Variants in CRPPA observed in about 807,000 individuals in gnomAD.
CRPPA encodes D-ribitol-5-phosphate cytidylyltransferase.
CRPPA carries 43 observed loss-of-function variants against 52.0 expected under a neutral mutation model. That is an observed-to-expected ratio of 0.83 (90% CI 0.65 to 1.07). The LOEUF (loss-of-function observed/expected upper bound fraction) is 1.07, where lower values mean the gene tolerates loss of function less well. CRPPA is among the 50% of genes least tolerant of loss of function. The pLI is 0.00. For missense variants in CRPPA, 629 were observed against 551.7 expected, an observed-to-expected ratio of 1.14 and a Z score of -1.40; for synonymous variants, 250 against 203.5, an observed-to-expected ratio of 1.23 and a Z score of -1.94.
intron 3 of CRPPA, among the ~76,000 whole-genome samples, chr7:16,312,989 C>A (rs1341285756): frequency 1.3e-5 from 2 of 151,836 alleles, no homozygotes; most frequent in African/African-American, 4.8e-5. Context: ...TTGATAAGGA[C>A]CATGACATCT....
chr7:16,130,170 T>G (rs955708714), intron 9 of CRPPA, among the ~76,000 whole-genome samples: 3 of 152,184 alleles, frequency 2.0e-5, no homozygotes, highest in East Asian at 1.9e-4. Context: ...TTTATAATTT[T>G]TTGTTAATGG....
intron 2 of CRPPA, among the ~76,000 whole-genome samples, chr7:16,376,863 C>T (rs1786901686): frequency 6.6e-6 from 1 of 152,198 alleles, no homozygotes; most frequent in Admixed American, 6.5e-5. Context: ...TTAGAAGAGA[C>T]ATTTCATGTC....
At chr7:16,121,390 C>T (rs886391307) in intron 9 of CRPPA, among the ~76,000 whole-genome samples, 6 of 151,858 alleles carry the variant, frequency 4.0e-5, no homozygotes, top group African/African-American at 1.5e-4. Flanking sequence ...TCAGGAATAA[C>T]CCCTCCACCT....
chr7:16,168,694 A>G (rs1781117389), intron 9 of CRPPA, among the ~76,000 whole-genome samples: 2 of 152,120 alleles, frequency 1.3e-5, no homozygotes, highest in South Asian at 4.1e-4. Context: ...GTATCTATCT[A>G]GAATTCTAAA....
intron 8 of CRPPA, among the ~76,000 whole-genome samples, chr7:16,234,744 A>T (rs1248833533): frequency 1.3e-5 from 2 of 152,096 alleles, no homozygotes; most frequent in Non-Finnish European, 2.9e-5. Context: ...TCAAATGAAC[A>T]AATGTTTCTG....
intron 4 of CRPPA, among the ~76,000 whole-genome samples, chr7:16,305,235 G>A (rs1357184361): frequency 6.6e-6 from 1 of 151,926 alleles, no homozygotes; most frequent in Non-Finnish European, 1.5e-5. Context: ...GAGAAAATAG[G>A]GACCCTGAAA....
Position 16,398,163 on chromosome 7 carries a change from A to AT in CRPPA, c.534+7897dup, listed in dbSNP as rs1313879210. Among the ~76,000 whole-genome samples the AT allele has an allele frequency of 2.0e-5, 3 of 152,172 alleles. No individual in the cohort carries two copies. In the East Asian group the frequency reaches 5.8e-4, roughly 30 times the overall value. ...TGACACATGACATGTGAATGACACAATTGACACATGATCGGCCTGTTGCCA... is the reference window on the plus strand; with the variant it reads ...TGACACATGACATGTGAATGACACAATTTGACACATGATCGGCCTGTTGCCA... On this transcript the variant is annotated intron_variant, in intron 2 of 9. Coordinates refer to ENST00000407010, the MANE Select transcript of CRPPA (RefSeq NM_001101426.4).
At chr7:16,279,410 C>A (rs1275854193) in intron 5 of CRPPA, among the ~76,000 whole-genome samples, 2 of 152,226 alleles carry the variant, frequency 1.3e-5, no homozygotes, top group Non-Finnish European at 1.5e-5. Flanking sequence ...AGATCAGTAT[C>A]ATTCTGAATC....
At chr7:16,330,440 G>C (rs1785523193) in intron 3 of CRPPA, among the ~76,000 whole-genome samples, 2 of 152,194 alleles carry the variant, frequency 1.3e-5, no homozygotes, top group Admixed American at 1.3e-4. Context: ...GAGGTCATAG[G>C]TCAAGCTGCT....
intron 5 of CRPPA, 96 bp downstream of exon 5, chr7:16,301,325 C>A: frequency 4.1e-6 from 4 of 985,754 alleles, no homozygotes; most frequent in Non-Finnish European, 6.3e-6. Context: ...GGCTTTTCTG[C>A]TTTTGAGATT....
chr7:16,260,776 C>T (rs1783773671), intron 6 of CRPPA, among the ~76,000 whole-genome samples: 1 of 151,614 alleles, frequency 6.6e-6, no homozygotes, highest in African/African-American at 2.4e-5. Context: ...AGAATGAAAA[C>T]ATGAGAGATA....
At chr7:16,303,782 A>T (rs1296450488) in intron 4 of CRPPA, among the ~76,000 whole-genome samples, 1 of 152,236 alleles carries the variant, frequency 6.6e-6, no homozygotes, top group Non-Finnish European at 1.5e-5. Flanking sequence ...ACAAAAACCA[A>T]ATAGAGACTA....
intron 9 of CRPPA, among the ~76,000 whole-genome samples, chr7:16,100,250 T>C (rs189254154): frequency 6.6e-6 from 1 of 152,352 alleles, no homozygotes; most frequent in East Asian, 1.9e-4. Context: ...GACTCAGCTG[T>C]AATGACTACC....
chr7:16,270,108 CTGAGTTAAAGGCTAAGACT>C (rs1784057520), intron 6 of CRPPA: 1 of 152,044 alleles, frequency 6.6e-6, no homozygotes, highest in Non-Finnish European at 1.5e-5. Context: ...AAAAAATTTC[CTGAGTTAAAGGCTAAGACT>C]TGACTTTATG....
intron 3 of CRPPA, among the ~76,000 whole-genome samples, chr7:16,342,752 C>G (rs1475217070): frequency 3.6e-4 from 3 of 8,300 alleles, no homozygotes; most frequent in African/African-American, 9.8e-4. Flanking sequence ...ACAGGATGAA[C>G]CCTGTCTCCA....
intron 9 of CRPPA, among the ~76,000 whole-genome samples, chr7:16,124,107 C>CT (rs35595388): frequency 0.67 from 89,090 of 133,548 alleles, 30,370 homozygotes; most frequent in African/African-American, 0.78. Flanking sequence ...CAATTTCTTT[C>CT]TTTTTTTATT....
At chr7:16,097,147 T>G (rs925844246) in intron 9 of CRPPA, among the ~76,000 whole-genome samples, 1 of 152,030 alleles carries the variant, frequency 6.6e-6, no homozygotes, top group African/African-American at 2.4e-5. Flanking sequence ...TGCTTGAAAA[T>G]TCAAGGCTTC....
intron 9 of CRPPA, among the ~76,000 whole-genome samples, chr7:16,126,532 T>C (rs1232952672): frequency 1.3e-5 from 2 of 152,180 alleles, no homozygotes; most frequent in Non-Finnish European, 2.9e-5. Context: ...AAAGTGTTGG[T>C]ATTTCAAAAA....
chr7:16,163,411 T>C (rs981225586), intron 9 of CRPPA, among the ~76,000 whole-genome samples: 3 of 152,256 alleles, frequency 2.0e-5, no homozygotes, highest in African/African-American at 7.2e-5. Context: ...ATGTGTGTCT[T>C]TGCACATGAG....
Sources: gnomAD v4.1 joint callset for allele counts (sites outside exome capture counted in the v4.1 genomes callset) on GRCh38, gnomAD v4.1.1 for gene constraint, MANE v1.5 for transcripts, NCBI Gene and HGNC (gene_info 2026-07-23, HGNC 2026-07-21) for gene names.